Variants in MAP4K3 observed in about 807,000 individuals in gnomAD.
MAP4K3 encodes the protein mitogen-activated protein kinase kinase kinase kinase 3.
Under a neutral mutation model 143.5 loss-of-function variants are expected in MAP4K3, and 94 were observed. That is an observed-to-expected ratio of 0.65 (90% confidence interval 0.55 to 0.78). MAP4K3 has a LOEUF of 0.78. MAP4K3 is among the 30% of genes least tolerant of loss of function. The pLI, the probability that MAP4K3 is intolerant of heterozygous loss-of-function variation, is 0.00. For synonymous variants in MAP4K3, 416 were observed against 347.2 expected, an observed-to-expected ratio of 1.20 and a Z score of -2.20; for missense variants, 1,077 against 1,068.1, an observed-to-expected ratio of 1.01 and a Z score of -0.12.
intron 17 of MAP4K3, 103 bp downstream of exon 17, chr2:39,293,127 A>G: frequency 2.2e-6 from 2 of 893,218 alleles, no homozygotes; most frequent in African/African-American, 1.7e-5. Flanking sequence ...TATTAAAGAA[A>G]AAAAAGACAA....
Position 39,288,192 on chromosome 2 carries a change from G to A in MAP4K3, c.1403C>T (p.Pro468Leu). 6.2e-7 allele frequency: 1 copy of A among 1,614,064 alleles called. No individual in the cohort carries two copies. Among genetic ancestry groups the A allele is most frequent in the Non-Finnish European group, 8.5e-7 (1 of 1,179,992 alleles). Residue 468 changes from proline to leucine, a missense_variant, in exon 20 of 34, where the codon CCA (proline) becomes CTA (leucine). By Grantham distance (98) the Pro-to-Leu change is moderately conservative (BLOSUM62 -3). Transcript: ENST00000263881. The part of the protein sequence containing the change: ...TIKRCPMSGS[P>L]AKPSQVPPRP... The stretch of plus-strand genomic sequence containing the variant: ...AGGTGGAACTTGGGATGGCTTTGCT[G>A]GGCTCCCTGACATGGGACATCTCTT...
Position 39,260,757 on chromosome 2 carries a change from T to C in MAP4K3, c.2157A>G (p.Pro719=), listed in dbSNP as rs767878281. ...GCATTTCAAACATTCTAAGTGGACATGGTATAGGAAAATCTATGTGCTAGA... is the reference window on the plus strand; with the variant it reads ...GCATTTCAAACATTCTAAGTGGACACGGTATAGGAAAATCTATGTGCTAGA... ...MLIKHIDFPI[P]CPLRMFEMLV... Residue 719 remains proline (P), a synonymous_variant, in exon 29 of 34, where the codon CCA becomes CCG. Coordinates refer to ENST00000263881, the MANE Select transcript of MAP4K3 (RefSeq NM_003618.4). The C allele has an allele frequency of 6.7e-5, 108 of 1,612,570 alleles. No homozygotes were observed. The highest frequency in any genetic ancestry group is 8.9e-5 in the Non-Finnish European group (105 of 1,178,792).
intron 1 of MAP4K3, among the ~76,000 whole-genome samples, chr2:39,385,583 T>TATATATATAC (rs1553422500): frequency 5.6e-4 from 43 of 77,258 alleles, no homozygotes; most frequent in African/African-American, 1.5e-3. Context: ...TATATATATA[T>TATATATATAC]ATATATATAT....
intron 1 of MAP4K3, among the ~76,000 whole-genome samples, chr2:39,379,475 T>C (rs1024961493): frequency 3.8e-4 from 58 of 152,174 alleles, no homozygotes; most frequent in African/African-American, 1.4e-3. Flanking sequence ...AAATAGACAG[T>C]GCTGGATACT....
chr2:39,303,806 G>A (rs1682597582), intron 15 of MAP4K3, among the ~76,000 whole-genome samples: 1 of 152,122 alleles, frequency 6.6e-6, no homozygotes, highest in Non-Finnish European at 1.5e-5. Flanking sequence ...GAAAGTGCTG[G>A]GATTATAGGC....
chr2:39,377,974 C>T lies in MAP4K3; in HGVS notation c.154+92G>A, dbSNP rs1236755920. 4.4e-5 allele frequency: 35 copies of T among 796,464 alleles called. 1 individual carries two copies. The South Asian group carries it at 4.5e-4, about 10-fold the overall frequency. The allele number at this position is 796,464 out of a possible 1,614,324, so 49.3% of individuals were successfully genotyped here. ...TATTTATCCCAGATGTTGGGGAAAA[C>T]AAGAGAATGTTAACCAAACATCATT... On this transcript the variant is annotated intron_variant, in intron 2 of 33. Transcript: ENST00000263881.
intron 33 of MAP4K3, among the ~76,000 whole-genome samples, chr2:39,251,076 A>T (rs1178673041): frequency 6.6e-6 from 1 of 152,214 alleles, no homozygotes; most frequent in Non-Finnish European, 1.5e-5. Context: ...ATGGATGAAT[A>T]ACGTACCCAG....
At chr2:39,418,090 G>A (rs969003597) in intron 1 of MAP4K3, among the ~76,000 whole-genome samples, 2 of 151,696 alleles carry the variant, frequency 1.3e-5, no homozygotes, top group South Asian at 2.1e-4. Flanking sequence ...GTAGTCCCAC[G>A]TACTCAGGAG....
chr2:39,434,371 G>A (rs78654976), intron 1 of MAP4K3, among the ~76,000 whole-genome samples: 1 of 152,098 alleles, frequency 6.6e-6, no homozygotes, highest in Non-Finnish European at 1.5e-5. Context: ...AGGGGTACAT[G>A]ATGTCAAGAA....
chr2:39,378,708 T>A (rs1478078151), intron 1 of MAP4K3, among the ~76,000 whole-genome samples: 1 of 152,062 alleles, frequency 6.6e-6, no homozygotes, highest in African/African-American at 2.4e-5. Context: ...TGCATCCTTT[T>A]AAACACACCT....
intron 16 of MAP4K3, among the ~76,000 whole-genome samples, chr2:39,297,954 A>G (rs1367110642): frequency 6.6e-6 from 1 of 152,194 alleles, no homozygotes. Context: ...ATCAGAAATC[A>G]GACAATGGAA....
chr2:39,250,776 C>A, intron 33 of MAP4K3, 71 bp from the exon 34 acceptor site: 1 of 1,212,528 alleles, frequency 8.2e-7, no homozygotes. Flanking sequence ...CCAAATTTTC[C>A]ATTGCTTCTC....
intron 1 of MAP4K3, among the ~76,000 whole-genome samples, chr2:39,406,372 G>C (rs1667092930): frequency 6.6e-6 from 1 of 152,046 alleles, no homozygotes; most frequent in Non-Finnish European, 1.5e-5. Context: ...TAATATCCAA[G>C]TACAAGAAGG....
At position 39,428,666 on chromosome 2, in the gene MAP4K3, G is replaced by A. The variant is rs116460766; in HGVS notation, c.96+8226C>T. Among the ~76,000 whole-genome samples, 1,049 of 151,236 alleles carry A rather than the reference G, an allele frequency of 6.9e-3. 17 individuals are homozygous for A. The highest frequency in any genetic ancestry group is 0.024 in the African/African-American group (993 of 40,784). On this transcript the variant is annotated intron_variant, in intron 1 of 33. Transcript: ENST00000263881. ...ACTCCAACCTGGGCAACAAGAGAAA[G>A]AGCAAAACTCTGCCTCAAAAAAAAA...
At chr2:39,366,523 T>C (rs1665929375) in intron 2 of MAP4K3, among the ~76,000 whole-genome samples, 2 of 152,194 alleles carry the variant, frequency 1.3e-5, no homozygotes, top group African/African-American at 4.8e-5. Flanking sequence ...CTGATGTTAA[T>C]ACCAGTCAGC....
At chr2:39,274,375 C>A (rs1681162243) in intron 24 of MAP4K3, among the ~76,000 whole-genome samples, 1 of 151,922 alleles carries the variant, frequency 6.6e-6, no homozygotes, top group South Asian at 2.1e-4. Context: ...CGCCACCACG[C>A]CCGGCTAATT....
chr2:39,337,508 A>G lies in MAP4K3; in HGVS notation c.366+18T>C. On this transcript the variant is annotated intron_variant, in intron 5 of 33. Coordinates refer to ENST00000263881, the MANE Select transcript of MAP4K3 (RefSeq NM_003618.4). ...AGTTTAATGAAAAATGTTATTTTTG[A>G]ATTAGCACTTGATTTACCTGCAGTG... 4.4e-6 allele frequency: 7 copies of G among 1,596,532 alleles called. No homozygotes were observed. The highest frequency in any genetic ancestry group is 6.0e-6 in the Non-Finnish European group (7 of 1,165,266).
At chr2:39,434,006 C>T (rs1226165730) in intron 1 of MAP4K3, among the ~76,000 whole-genome samples, 2 of 152,200 alleles carry the variant, frequency 1.3e-5, no homozygotes, top group South Asian at 2.1e-4. Context: ...AGATTGTCCA[C>T]ATCCTTGTTC....
intron 32 of MAP4K3, 94 bp downstream of exon 32, chr2:39,254,356 C>T (rs1240397913): frequency 2.0e-6 from 2 of 975,790 alleles, no homozygotes; most frequent in East Asian, 2.4e-5. Context: ...TAAAGTTAGC[C>T]AATCAAGCAT....
Sources: allele counts gnomAD v4.1 joint callset (sites outside exome capture counted in the v4.1 genomes callset), GRCh38; gene constraint gnomAD v4.1.1; transcripts MANE v1.5; gene names NCBI Gene and HGNC (gene_info 2026-07-23, HGNC 2026-07-21).